The following CALCR variants were observed in gnomAD, a reference collection of about 807,000 sequenced individuals.
The protein encoded by CALCR is calcitonin receptor.
CALCR carries 47 observed loss-of-function variants against 59.5 expected under a neutral mutation model. That is an observed-to-expected ratio of 0.79 (90% CI 0.63 to 1.01). CALCR has a LOEUF of 1.01. Ranked by LOEUF, CALCR falls within the 50% of genes least tolerant of loss-of-function variation. The probability of loss-of-function intolerance (pLI) is 0.00; values close to 1 mark genes in which losing one functional copy is unlikely to be tolerated. For missense variants in CALCR, 566 were observed against 597.1 expected (o/e 0.95, Z 0.54); for synonymous variants, 213 against 211.3 (o/e 1.01, Z -0.07).
At chr7:93,537,966 T>G (rs1789036473) in intron 2 of CALCR, among the ~76,000 whole-genome samples, 1 of 151,892 alleles carries the variant, frequency 6.6e-6, no homozygotes, top group South Asian at 2.1e-4. Context: ...AATAAAACAT[T>G]TATCATATTT....
At chr7:93,455,471 AC>A (rs1253080999) in intron 8 of CALCR, among the ~76,000 whole-genome samples, 3 of 150,180 alleles carry the variant, frequency 2.0e-5, no homozygotes, top group African/African-American at 4.9e-5. Flanking sequence ...GCTAGGGAGG[AC>A]CTTAATCTAA....
At chr7:93,475,953 G>A (rs1800657425) in intron 5 of CALCR, among the ~76,000 whole-genome samples, 1 of 151,694 alleles carries the variant, frequency 6.6e-6, no homozygotes, top group African/African-American at 2.4e-5. Flanking sequence ...CCCATGAAAA[G>A]TACAATGTGC....
intron 2 of CALCR, among the ~76,000 whole-genome samples, chr7:93,543,679 A>C (rs956107854): frequency 2.1e-5 from 3 of 146,208 alleles, no homozygotes; most frequent in Non-Finnish European, 3.1e-5. Flanking sequence ...ACACACACAC[A>C]CCTAAGAATG....
At chr7:93,567,914 A>G (rs1053455974) in intron 2 of CALCR, among the ~76,000 whole-genome samples, 1 of 152,162 alleles carries the variant, frequency 6.6e-6, no homozygotes, top group Non-Finnish European at 1.5e-5. Context: ...AGTCTGGAAA[A>G]TATTTGGTAT....
intron 8 of CALCR, among the ~76,000 whole-genome samples, chr7:93,446,069 C>A (rs1800001414): frequency 6.6e-6 from 1 of 151,860 alleles, no homozygotes; most frequent in Non-Finnish European, 1.5e-5. Context: ...TGAATGATAG[C>A]AAATCTGCTA....
At chr7:93,509,283 C>T (rs1169463902) in intron 2 of CALCR, among the ~76,000 whole-genome samples, 1 of 152,074 alleles carries the variant, frequency 6.6e-6, no homozygotes, top group African/African-American at 2.4e-5. Flanking sequence ...TACTGAAAAT[C>T]TAATTTAAGG....
At chr7:93,433,921 G>A (rs1799711879) in intron 13 of CALCR, among the ~76,000 whole-genome samples, 1 of 152,212 alleles carries the variant, frequency 6.6e-6, no homozygotes, top group Non-Finnish European at 1.5e-5. Context: ...CTGCCCTAGT[G>A]AGGGCTCGGG....
intron 8 of CALCR, among the ~76,000 whole-genome samples, chr7:93,451,501 C>T (rs1383658851): frequency 1.3e-5 from 2 of 152,006 alleles, no homozygotes; most frequent in Non-Finnish European, 2.9e-5. Flanking sequence ...CAAATATACT[C>T]AGAGTCCCTT....
At chr7:93,494,224 T>C (rs1801148296) in intron 2 of CALCR, among the ~76,000 whole-genome samples, 1 of 151,454 alleles carries the variant, frequency 6.6e-6, no homozygotes, top group African/African-American at 2.4e-5. Context: ...CATGGTACCA[T>C]CCATGTCATG....
At chr7:93,472,149 C>T (rs1403300647) in intron 6 of CALCR, among the ~76,000 whole-genome samples, 1 of 151,778 alleles carries the variant, frequency 6.6e-6, no homozygotes, top group Non-Finnish European at 1.5e-5. Context: ...ATTCTGTATG[C>T]TCACGGAACT....
chr7:93,530,413 C>T (rs13223650), intron 2 of CALCR, among the ~76,000 whole-genome samples: 1 of 152,130 alleles, frequency 6.6e-6, no homozygotes, highest in South Asian at 2.1e-4. Context: ...CTATTTCCAC[C>T]TTTTAATCTA....
intron 2 of CALCR, among the ~76,000 whole-genome samples, chr7:93,553,226 A>G (rs1434052666): frequency 2.0e-5 from 3 of 152,112 alleles, no homozygotes; most frequent in South Asian, 2.1e-4. Context: ...GACAGTGTAG[A>G]TTGGTTTGTG....
chr7:93,464,447 T>C (rs1800400896), intron 7 of CALCR, among the ~76,000 whole-genome samples: 1 of 151,990 alleles, frequency 6.6e-6, no homozygotes, highest in Non-Finnish European at 1.5e-5. Context: ...TAGTGTAACT[T>C]TTAGTTTTCA....
chr7:93,462,068 CT>C, intron 7 of CALCR: 1 of 1,497,614 alleles, frequency 6.7e-7, no homozygotes, highest in Non-Finnish European at 9.0e-7. Flanking sequence ...CTTACAATGC[CT>C]TCCTATATTT....
intron 2 of CALCR, among the ~76,000 whole-genome samples, chr7:93,565,584 T>C (rs941161348): frequency 6.6e-6 from 1 of 152,226 alleles, no homozygotes; most frequent in Non-Finnish European, 1.5e-5. Context: ...TAAATTTTTA[T>C]TTTTTTCTAA....
At chr7:93,466,413 G>C (rs893113606) in intron 7 of CALCR, among the ~76,000 whole-genome samples, 20 of 151,800 alleles carry the variant, frequency 1.3e-4, no homozygotes, top group Non-Finnish European at 1.5e-5. Context: ...TAAAGGGTTA[G>C]GATCATACTT....
intron 2 of CALCR, among the ~76,000 whole-genome samples, chr7:93,491,855 G>T (rs1307324481): frequency 6.6e-6 from 1 of 151,774 alleles, no homozygotes; most frequent in Non-Finnish European, 1.5e-5. Context: ...ATTCCTCAAG[G>T]ATCTAGAACC....
At chr7:93,521,848 A>G (rs1233028024) in intron 2 of CALCR, among the ~76,000 whole-genome samples, 1 of 152,168 alleles carries the variant, frequency 6.6e-6, no homozygotes, top group Non-Finnish European at 1.5e-5. Flanking sequence ...CTTTCTCTTT[A>G]TCAAAATCCC....
chr7:93,568,619 T>C (rs2116288079), intron 2 of CALCR, among the ~76,000 whole-genome samples: 1 of 151,722 alleles, frequency 6.6e-6, no homozygotes, highest in Admixed American at 6.6e-5. Context: ...CATTTCCCTT[T>C]AAATATTGGT....
Sources: allele counts gnomAD v4.1 joint callset (sites outside exome capture counted in the v4.1 genomes callset), GRCh38; gene constraint gnomAD v4.1.1; transcripts MANE v1.5; gene names NCBI Gene and HGNC (gene_info 2026-07-23, HGNC 2026-07-21).